CACNB4: variants seen among roughly 807,000 people sequenced by gnomAD.
CACNB4 encodes the protein voltage-dependent L-type calcium channel subunit beta-4.
CACNB4 carries 32 observed loss-of-function variants against 71.2 expected under a neutral mutation model. The ratio of observed to expected loss-of-function variants is 0.45; its 90% CI spans 0.34 to 0.60. The LOEUF is 0.60. Ranked by LOEUF, CACNB4 falls within the 20% of genes least tolerant of loss-of-function variation. The pLI is 0.01. For missense variants in CACNB4, 464 were observed against 647.9 expected (o/e 0.72, Z 3.08); for synonymous variants, 231 against 236.9 (o/e 0.97, Z 0.23).
chr2:151,842,189 TAGCTAAA>T, intron 12 of CACNB4, 101 bp from the exon 13 acceptor site: 1 of 977,850 alleles, frequency 1.0e-6, no homozygotes, highest in African/African-American at 1.6e-5. Flanking sequence ...TAATAGCTAT[TAGCTAAA>T]ATCAAATTTG....
chr2:151,946,862 A>G (rs1206339250), intron 2 of CACNB4, among the ~76,000 whole-genome samples: 1 of 152,192 alleles, frequency 6.6e-6, no homozygotes, highest in Non-Finnish European at 1.5e-5. Flanking sequence ...AATTTCATCA[A>G]TCTCTTCAAT....
At chr2:152,021,631 A>T (rs1181720882) in intron 2 of CACNB4, among the ~76,000 whole-genome samples, 1 of 152,202 alleles carries the variant, frequency 6.6e-6, no homozygotes, top group Non-Finnish European at 1.5e-5. Flanking sequence ...TAATAAAACA[A>T]TGTCTCTTTT....
chr2:151,978,234 C>T (rs2099874138), intron 2 of CACNB4, among the ~76,000 whole-genome samples: 1 of 152,076 alleles, frequency 6.6e-6, no homozygotes, highest in Admixed American at 6.5e-5. Context: ...CTCTCCAGGC[C>T]CCATGAAGAC....
At chr2:152,026,590 G>A (rs1413829558) in intron 2 of CACNB4, among the ~76,000 whole-genome samples, 1 of 152,044 alleles carries the variant, frequency 6.6e-6, no homozygotes, top group African/African-American at 2.4e-5. Flanking sequence ...TCTCCATGTT[G>A]GCCGGGCTCG....
At chr2:152,071,113 G>T (rs1560178689) in intron 2 of CACNB4, among the ~76,000 whole-genome samples, 1 of 152,194 alleles carries the variant, frequency 6.6e-6, no homozygotes, top group Non-Finnish European at 1.5e-5. Flanking sequence ...TATCACAAAT[G>T]ATGCTGGATG....
chr2:151,940,085 T>TTGGCAAG (rs2099863861), intron 2 of CACNB4, among the ~76,000 whole-genome samples: 1 of 152,208 alleles, frequency 6.6e-6, no homozygotes, highest in African/African-American at 2.4e-5. Flanking sequence ...ATCTACATGA[T>TTGGCAAG]TGGCAAGTGT....
intron 2 of CACNB4, among the ~76,000 whole-genome samples, chr2:151,908,810 C>T (rs1013440870): frequency 8.5e-5 from 13 of 152,194 alleles, no homozygotes; most frequent in Non-Finnish European, 1.3e-4. Context: ...GGTTATCAGG[C>T]ACAGGACTAG....
intron 2 of CACNB4, among the ~76,000 whole-genome samples, chr2:151,942,253 T>C (rs969971834): frequency 6.7e-6 from 1 of 149,248 alleles, no homozygotes; most frequent in Non-Finnish European, 1.5e-5. Context: ...ATGGAGGGAC[T>C]GGCTGGAGCC....
intron 2 of CACNB4, among the ~76,000 whole-genome samples, chr2:152,050,724 A>AT (rs1389230641): frequency 4.0e-5 from 6 of 151,150 alleles, no homozygotes; most frequent in African/African-American, 7.3e-5. Context: ...TCTAAAAAAA[A>AT]TTTTTTTTTA....
At chr2:152,073,542 T>G (rs867486264) in intron 2 of CACNB4, among the ~76,000 whole-genome samples, 2 of 152,164 alleles carry the variant, frequency 1.3e-5, no homozygotes, top group African/African-American at 4.8e-5. Context: ...AAGAATGGGA[T>G]GATTATGAAT....
At chr2:152,005,406 G>T (rs535588140) in intron 2 of CACNB4, among the ~76,000 whole-genome samples, 99 of 152,272 alleles carry the variant, frequency 6.5e-4, no homozygotes, top group African/African-American at 2.4e-3. Flanking sequence ...CATCCTAAGA[G>T]AACTAATGCA....
chr2:151,889,282 A>ACAC (rs2151472713), intron 2 of CACNB4, among the ~76,000 whole-genome samples: 1 of 152,204 alleles, frequency 6.6e-6, no homozygotes, highest in East Asian at 1.9e-4. Context: ...CAGCCTGGCC[A>ACAC]ATGTGGTGAA....
chr2:152,060,799 A>G (rs1279313411), intron 2 of CACNB4, among the ~76,000 whole-genome samples: 3 of 152,232 alleles, frequency 2.0e-5, no homozygotes, highest in African/African-American at 7.2e-5. Flanking sequence ...GATGTCTACA[A>G]TACAGTCTTA....
At chr2:151,924,197 A>G (rs769029063) in intron 2 of CACNB4, among the ~76,000 whole-genome samples, 13 of 146,256 alleles carry the variant, frequency 8.9e-5, no homozygotes, top group South Asian at 6.5e-4. Flanking sequence ...TCCTGCCTCA[A>G]CCTCCCGAGT....
intron 2 of CACNB4, among the ~76,000 whole-genome samples, chr2:152,039,132 T>G (rs1684745895): frequency 6.6e-6 from 1 of 152,054 alleles, no homozygotes; most frequent in Non-Finnish European, 1.5e-5. Flanking sequence ...AGAATCTTAT[T>G]ATTGGGCCGA....
At chr2:152,096,543 C>T (rs1196346586) in intron 2 of CACNB4, among the ~76,000 whole-genome samples, 1 of 152,122 alleles carries the variant, frequency 6.6e-6, no homozygotes, top group African/African-American at 2.4e-5. Flanking sequence ...GTATATAATA[C>T]AATTACAATT....
At chr2:152,061,641 C>CAA (rs57640851) in intron 2 of CACNB4, among the ~76,000 whole-genome samples, 193 of 132,480 alleles carry the variant, frequency 1.5e-3, no homozygotes, top group African/African-American at 3.6e-3. Flanking sequence ...CTTCTCAAAG[C>CAA]AAAAAAAAAA....
chr2:151,914,471 C>T (rs1230682266), intron 2 of CACNB4, among the ~76,000 whole-genome samples: 3 of 152,202 alleles, frequency 2.0e-5, no homozygotes, highest in African/African-American at 2.4e-5. Flanking sequence ...CTACTTCTGT[C>T]AATTCATCCA....
At chr2:152,097,311 T>C (rs1321950297) in intron 2 of CACNB4, among the ~76,000 whole-genome samples, 1 of 152,192 alleles carries the variant, frequency 6.6e-6, no homozygotes, top group African/African-American at 2.4e-5. Flanking sequence ...GCTGCCATCA[T>C]AGGTTAGAAA....
Sources: gnomAD v4.1 joint callset for allele counts (sites outside exome capture counted in the v4.1 genomes callset) on GRCh38, gnomAD v4.1.1 for gene constraint, MANE v1.5 for transcripts, NCBI Gene and HGNC (gene_info 2026-07-23, HGNC 2026-07-21) for gene names.